DACH1: variants seen among roughly 807,000 people sequenced by gnomAD.
DACH1 encodes dachshund homolog 1.
A neutral mutation model predicts 54.2 loss-of-function variants in DACH1; 12 were observed. The observed-to-expected ratio is 0.22, with a 90% CI of 0.14 to 0.36. The LOEUF (loss-of-function observed/expected upper bound fraction) is 0.36. Among genes scored for constraint, DACH1 ranks in the 10% least tolerant of loss-of-function variants. The pLI is 1.00. For missense variants in DACH1, 805 were observed against 929.8 expected (o/e 0.87, Z 1.75); for synonymous variants, 386 against 366.2 (o/e 1.05, Z -0.62).
At chr13:71,679,908 A>G (rs1481557468) in intron 2 of DACH1, among the ~76,000 whole-genome samples, 2 of 146,332 alleles carry the variant, frequency 1.4e-5, no homozygotes, top group African/African-American at 5.1e-5. Flanking sequence ...GCGCCACTGC[A>G]CTCCAGCCTG....
intron 3 of DACH1, among the ~76,000 whole-genome samples, chr13:71,627,013 C>T (rs908932378): frequency 6.6e-6 from 1 of 151,994 alleles, no homozygotes; most frequent in Non-Finnish European, 1.5e-5. Context: ...ATATATTTTA[C>T]TCAGTGTGCT....
chr13:71,602,017 G>A (rs533033049), intron 3 of DACH1, among the ~76,000 whole-genome samples: 6 of 151,948 alleles, frequency 3.9e-5, no homozygotes, highest in Admixed American at 3.3e-4. Flanking sequence ...AATACCCTTG[G>A]CTCATGCAAA....
chr13:71,609,911 C>T (rs1875188874), intron 3 of DACH1, among the ~76,000 whole-genome samples: 1 of 152,054 alleles, frequency 6.6e-6, no homozygotes, highest in Non-Finnish European at 1.5e-5. Context: ...AAAAAGGAAA[C>T]ATTCTCATTT....
intron 2 of DACH1, among the ~76,000 whole-genome samples, chr13:71,677,331 ACTTT>A (rs1880634682): frequency 6.6e-6 from 1 of 152,280 alleles, no homozygotes; most frequent in Middle Eastern, 3.4e-3. Context: ...TCTACAAAGA[ACTTT>A]CTTTCTTTCA....
intron 2 of DACH1, among the ~76,000 whole-genome samples, chr13:71,638,245 C>A (rs1357764797): frequency 1.3e-5 from 2 of 152,100 alleles, no homozygotes; most frequent in Non-Finnish European, 2.9e-5. Flanking sequence ...GAGAGACAGG[C>A]GGCTTATAAA....
intron 1 of DACH1, among the ~76,000 whole-genome samples, chr13:71,735,245 T>C (rs1309015282): frequency 2.1e-5 from 3 of 139,774 alleles, no homozygotes; most frequent in African/African-American, 7.6e-5. Flanking sequence ...GATACACGTA[T>C]ATGGGATATA....
chr13:71,466,608 C>T (rs190707136), intron 10 of DACH1, among the ~76,000 whole-genome samples: 39 of 152,104 alleles, frequency 2.6e-4, no homozygotes, highest in Non-Finnish European at 2.8e-4. Context: ...TTTGGGAGGC[C>T]GAGGCAAGTG....
chr13:71,454,249 T>C (rs891012442), intron 10 of DACH1, among the ~76,000 whole-genome samples: 5 of 152,122 alleles, frequency 3.3e-5, no homozygotes, highest in Non-Finnish European at 7.4e-5. Flanking sequence ...ATCCATTAAA[T>C]AGTAGGAATA....
intron 6 of DACH1, among the ~76,000 whole-genome samples, chr13:71,513,232 T>C (rs964976378): frequency 2.6e-5 from 4 of 151,980 alleles, no homozygotes; most frequent in Non-Finnish European, 5.9e-5. Flanking sequence ...ATCTTGTTTA[T>C]ACTAATAATT....
chr13:71,693,469 A>ATTTTTTTTTT (rs748598587), intron 1 of DACH1, among the ~76,000 whole-genome samples: 120 of 119,226 alleles, frequency 1.0e-3, no homozygotes, highest in African/African-American at 1.9e-3. Flanking sequence ...CGCCCGGCAA[A>ATTTTTTTTTT]TTTTTTTTTT....
chr13:71,717,138 A>T (rs1251656942), intron 1 of DACH1, among the ~76,000 whole-genome samples: 1 of 152,112 alleles, frequency 6.6e-6, no homozygotes, highest in East Asian at 1.9e-4. Context: ...TTATGTACAC[A>T]CCTACAAAAT....
rs1593812038 is a variant in DACH1, at chr13:71,511,536, T to C, written c.1571-22388A>G. 2.0e-5 allele frequency among the ~76,000 whole-genome samples: 3 copies of C among 151,892 alleles called. 1 individual carries two copies. The highest frequency in any genetic ancestry group is 7.2e-5 in the African/African-American group (3 of 41,468). On this transcript the variant is annotated intron_variant, in intron 6 of 10. Transcript: ENST00000613252. Reference sequence around the variant, plus strand: ...TTACTAGAAACCCTGAGCCCAAAATTCTTACTTGTTTTCTAATTAAGGGAA... The same window carrying C: ...TTACTAGAAACCCTGAGCCCAAAATCCTTACTTGTTTTCTAATTAAGGGAA...
Position 71,696,101 on chromosome 13 carries a change from C to A in DACH1, c.849-14191G>T, listed in dbSNP as rs145404084. ...GGCGTAAGGGCTAAGGGATGCCAAT[C>A]TGGGCTATACTCATTGCCTGGGTGA... On this transcript the variant is annotated intron_variant, in intron 1 of 10. Transcript: ENST00000613252. 4.0e-3 allele frequency among the ~76,000 whole-genome samples: 615 copies of A among 152,214 alleles called. 2 individuals are homozygous for A. The highest frequency in any genetic ancestry group is 0.014 in the African/African-American group (579 of 41,528).
chr13:71,735,213 T>TATACGTATGTATATGGGATACACGTATAC (rs1883979451), intron 1 of DACH1, among the ~76,000 whole-genome samples: 2 of 84,478 alleles, frequency 2.4e-5, no homozygotes, highest in African/African-American at 6.5e-5. Flanking sequence ...TACACGTATA[T>TATACGTATGTATATGGGATACACGTATAC]GGGATATACA....
chr13:71,538,581 T>C (rs1414577323), intron 6 of DACH1, among the ~76,000 whole-genome samples: 1 of 152,008 alleles, frequency 6.6e-6, no homozygotes, highest in Non-Finnish European at 1.5e-5. Context: ...AAATGGATCT[T>C]CACATTTTAA....
chr13:71,650,347 T>C (rs1878584181), intron 2 of DACH1, among the ~76,000 whole-genome samples: 1 of 152,174 alleles, frequency 6.6e-6, no homozygotes, highest in Non-Finnish European at 1.5e-5. Context: ...GTACTTGGTA[T>C]ATTACAGCAG....
intron 1 of DACH1, among the ~76,000 whole-genome samples, chr13:71,829,137 G>T (rs915042015): frequency 2.0e-5 from 3 of 151,816 alleles, no homozygotes; most frequent in African/African-American, 7.3e-5. Context: ...TTAGACTGGG[G>T]AAGTTTTAAT....
intron 3 of DACH1, among the ~76,000 whole-genome samples, chr13:71,617,696 A>T (rs1200601635): frequency 1.3e-5 from 2 of 152,224 alleles, no homozygotes; most frequent in Non-Finnish European, 2.9e-5. Flanking sequence ...AAGAAACACC[A>T]CATTACAAAA....
chr13:71,638,538 A>G (rs906243707), intron 2 of DACH1, among the ~76,000 whole-genome samples: 6 of 152,196 alleles, frequency 3.9e-5, no homozygotes, highest in Admixed American at 3.9e-4. Context: ...AGTTTGTTTC[A>G]GTCATAAATG....
Sources: gnomAD v4.1 joint callset for allele counts (sites outside exome capture counted in the v4.1 genomes callset) on GRCh38, gnomAD v4.1.1 for gene constraint, MANE v1.5 for transcripts, NCBI Gene and HGNC (gene_info 2026-07-23, HGNC 2026-07-21) for gene names.